The following FRMD4B variants were observed in gnomAD, a reference collection of about 807,000 sequenced individuals.
The protein encoded by FRMD4B is FERM domain-containing protein 4B.
FRMD4B carries 74 observed loss-of-function variants against 141.5 expected under a neutral mutation model. The ratio of observed to expected loss-of-function variants is 0.52; its 90% CI spans 0.43 to 0.63. The LOEUF is 0.63. Ranked by LOEUF, FRMD4B falls within the 30% of genes least tolerant of loss-of-function variation. FRMD4B has a pLI of 0.00. For synonymous variants in FRMD4B, 506 were observed against 467.9 expected (o/e 1.08, Z -1.05); for missense variants, 1,366 against 1,253.4 (o/e 1.09, Z -1.36).
intron 5 of FRMD4B, among the ~76,000 whole-genome samples, chr3:69,263,010 G>A (rs1356443656): frequency 6.6e-6 from 1 of 151,960 alleles, no homozygotes; most frequent in Non-Finnish European, 1.5e-5. Context: ...TGTCATCCCA[G>A]CACTTTGGGA....
At chr3:69,354,926 G>A (rs1237230058) in intron 1 of FRMD4B, among the ~76,000 whole-genome samples, 1 of 152,072 alleles carries the variant, frequency 6.6e-6, no homozygotes, top group Non-Finnish European at 1.5e-5. Context: ...GTAATTATTT[G>A]TGAGCACGTG....
At chr3:69,239,619 TTTTA>T (rs2093367737) in intron 7 of FRMD4B, among the ~76,000 whole-genome samples, 1 of 152,160 alleles carries the variant, frequency 6.6e-6, no homozygotes. Context: ...AATAAAAATA[TTTTA>T]TTTCTCTCCT....
chr3:69,225,977 T>C (rs967529543), intron 7 of FRMD4B, among the ~76,000 whole-genome samples: 3 of 152,094 alleles, frequency 2.0e-5, no homozygotes, highest in African/African-American at 7.2e-5. Flanking sequence ...AAGTGCCAGA[T>C]ACCATGCAAC....
At chr3:69,511,597 C>A (rs1706689156) in intron 1 of FRMD4B, among the ~76,000 whole-genome samples, 1 of 152,156 alleles carries the variant, frequency 6.6e-6, no homozygotes, top group African/African-American at 2.4e-5. Flanking sequence ...TCCTTCAGGC[C>A]ACCCCCAGCC....
At chr3:69,350,886 T>C (rs1575756759) in intron 1 of FRMD4B, among the ~76,000 whole-genome samples, 3 of 151,486 alleles carry the variant, frequency 2.0e-5, no homozygotes. Context: ...ATGTAAATGA[T>C]GAGTTAATGG....
rs146226498 is a variant in FRMD4B at position 69,341,233 on chromosome 3, C to T, written c.163-27716G>A. Among the ~76,000 whole-genome samples, 3 of 152,252 alleles carry T rather than the reference C, an allele frequency of 2.0e-5. No homozygotes were observed. In the East Asian group the frequency reaches 5.8e-4, roughly 29 times the overall value. ...GTGGGCACTTGGAGATGTACAGTTA[C>T]CACGAACAACCTCCTATTCTTTCAA... On this transcript the variant is annotated intron_variant, in intron 1 of 22. Transcript: ENST00000398540.
chr3:69,536,435 C>A, intron 1 of FRMD4B: 2 of 708,786 alleles, frequency 2.8e-6, no homozygotes, highest in East Asian at 2.7e-5. Context: ...CGGAGGACGT[C>A]CACCGTTGGG....
chr3:69,289,140 T>C (rs912912720), intron 4 of FRMD4B, among the ~76,000 whole-genome samples: 1 of 152,098 alleles, frequency 6.6e-6, no homozygotes, highest in African/African-American at 2.4e-5. Context: ...GTGAAGGAAA[T>C]GAGGAGTTGG....
chr3:69,198,943 T>A, intron 11 of FRMD4B, 169 bp from the exon 12 acceptor site: 1 of 595,758 alleles, frequency 1.7e-6, no homozygotes, highest in South Asian at 2.1e-5. Flanking sequence ...TGAAACCATT[T>A]TATTCCTTCT....
chr3:69,310,423 T>G, intron 3 of FRMD4B: 1 of 456,304 alleles, frequency 2.2e-6, no homozygotes, highest in South Asian at 1.5e-5. Flanking sequence ...CTTCTTGCAT[T>G]TTAACATTTA....
intron 2 of FRMD4B, among the ~76,000 whole-genome samples, chr3:69,402,128 TACCCAAAAGGACAG>T (rs1162886455): frequency 7.2e-5 from 11 of 152,196 alleles, no homozygotes; most frequent in African/African-American, 2.7e-4. Context: ...ATATCCGTTC[TACCCAAAAGGACAG>T]GCCTAGGGCA....
chr3:69,536,633 T>A, intron 1 of FRMD4B: 1 of 1,009,312 alleles, frequency 9.9e-7, no homozygotes, highest in South Asian at 1.4e-5. Flanking sequence ...GAGACCTGGA[T>A]GATCCTGCTG....
chr3:69,254,108 T>A (rs999093283), intron 5 of FRMD4B, among the ~76,000 whole-genome samples: 58 of 151,130 alleles, frequency 3.8e-4, no homozygotes, highest in African/African-American at 1.4e-3. Flanking sequence ...ACTCACACCT[T>A]TTTTTTTTCT....
intron 2 of FRMD4B, among the ~76,000 whole-genome samples, chr3:69,422,983 A>G (rs1705008441): frequency 1.3e-5 from 2 of 152,172 alleles, no homozygotes; most frequent in South Asian, 4.1e-4. Flanking sequence ...CATGAGTCCC[A>G]TGTAAGTTGT....
In FRMD4B at chr3:69,171,622, A is replaced by T. The variant is rs142730108; in HGVS notation, c.*239T>A. On this transcript the variant is annotated 3_prime_UTR_variant, in exon 23 of 23. Coordinates refer to ENST00000398540, the MANE Select transcript of FRMD4B (RefSeq NM_015123.3). ...AGTCCTCTCTTGGCAATACTTCAAC[A>T]TGTGGGCAGACCCTACAGTTACGTT... is the stretch of plus-strand genomic sequence containing the variant. 2.0e-4 allele frequency: 86 copies of T among 421,640 alleles called. No individual in the cohort carries two copies. The East Asian group carries it at 3.6e-3, about 18-fold the overall frequency. 26.1% of individuals were successfully genotyped at this position (421,640 alleles called of 1,614,324 possible).
chr3:69,473,360 C>T (rs764338732), intron 1 of FRMD4B, among the ~76,000 whole-genome samples: 1 of 152,142 alleles, frequency 6.6e-6, no homozygotes, highest in Non-Finnish European at 1.5e-5. Flanking sequence ...AGTCCAGTTA[C>T]AGGGTTAGAA....
intron 1 of FRMD4B, among the ~76,000 whole-genome samples, chr3:69,337,860 G>A (rs1013626180): frequency 6.6e-6 from 1 of 152,292 alleles, no homozygotes; most frequent in South Asian, 2.1e-4. Flanking sequence ...CTGTTGGTGG[G>A]ACCGTAAACT....
At chr3:69,356,870 T>C (rs1341702914) in intron 1 of FRMD4B, among the ~76,000 whole-genome samples, 3 of 152,154 alleles carry the variant, frequency 2.0e-5, no homozygotes, top group Admixed American at 1.3e-4. Context: ...TGAAATGCCA[T>C]TGAACCTGAA....
chr3:69,235,504 C>A (rs1365911810), intron 7 of FRMD4B, among the ~76,000 whole-genome samples: 1 of 150,970 alleles, frequency 6.6e-6, no homozygotes, highest in African/African-American at 2.4e-5. Flanking sequence ...ACTAAAAATA[C>A]AAAAATCAGC....
Sources: gnomAD v4.1 joint callset for allele counts (sites outside exome capture counted in the v4.1 genomes callset) on GRCh38, gnomAD v4.1.1 for gene constraint, MANE v1.5 for transcripts, NCBI Gene and HGNC (gene_info 2026-07-23, HGNC 2026-07-21) for gene names.